GUCY2C: variants seen among roughly 807,000 people sequenced by gnomAD.
GUCY2C encodes the protein guanylate cyclase 2C, also known as guanylyl cyclase C.
GUCY2C carries 118 observed loss-of-function variants against 131.1 expected under a neutral mutation model. The ratio of observed to expected loss-of-function variants is 0.90; its 90% CI spans 0.78 to 1.05. The LOEUF (loss-of-function observed/expected upper bound fraction) is 1.05, where lower values mean the gene tolerates loss of function less well. GUCY2C is among the 50% of genes least tolerant of loss of function. The pLI is 0.00. For missense variants in GUCY2C, 1,161 were observed against 1,304.4 expected (o/e 0.89, Z 1.69); for synonymous variants, 452 against 457.8 (o/e 0.99, Z 0.16).
intron 25 of GUCY2C, among the ~76,000 whole-genome samples, chr12:14,615,651 T>A (rs1053722222): frequency 1.8e-4 from 26 of 148,004 alleles, no homozygotes; most frequent in Non-Finnish European, 3.3e-4. Context: ...ATATATATAA[T>A]TGATATATAT....
At chr12:14,666,799 G>A (rs1947991772) in intron 10 of GUCY2C, among the ~76,000 whole-genome samples, 1 of 151,186 alleles carries the variant, frequency 6.6e-6, no homozygotes, top group African/African-American at 2.4e-5. Flanking sequence ...CTGTACCCTC[G>A]CTACCTGCCT....
chr12:14,657,645 C>T (rs1327961492), intron 11 of GUCY2C, among the ~76,000 whole-genome samples: 1 of 152,080 alleles, frequency 6.6e-6, no homozygotes, highest in Non-Finnish European at 1.5e-5. Context: ...GGACCGCGAA[C>T]CCTATTGAGA....
intron 10 of GUCY2C, among the ~76,000 whole-genome samples, chr12:14,665,147 C>T (rs1033463528): frequency 1.4e-5 from 2 of 144,112 alleles, no homozygotes; most frequent in African/African-American, 2.6e-5. Context: ...ACCTGGGAGG[C>T]GGAAGTTGCA....
chr12:14,616,744 A>T lies in GUCY2C; in HGVS notation c.2876-17T>A. On this transcript the variant is annotated splice_polypyrimidine_tract_variant and intron_variant, in intron 24 of 26. Coordinates refer to ENST00000261170, the MANE Select transcript of GUCY2C (RefSeq NM_004963.4). ...TTCTCAAAGCTGGAAATGCAAATTG[A>T]CAAATAAAAATCCCAGCTAGTACAC... The T allele has an allele frequency of 1.4e-6, 2 of 1,478,192 alleles. No homozygotes were observed. Among genetic ancestry groups the T allele is most frequent in the Admixed American group, 1.7e-5 (1 of 59,788 alleles). The allele number at this position is 1,478,192 out of a possible 1,614,324, so 91.6% of individuals were successfully genotyped here. A position where few individuals can be genotyped will look rare whatever the true frequency, so the allele number is the denominator to read the frequency against.
intron 20 of GUCY2C, among the ~76,000 whole-genome samples, chr12:14,626,445 ACCTT>A (rs1165568214): frequency 6.6e-6 from 1 of 152,170 alleles, no homozygotes; most frequent in Non-Finnish European, 1.5e-5. Flanking sequence ...ATAGTACAAA[ACCTT>A]CCTGAAGAGC....
intron 3 of GUCY2C, among the ~76,000 whole-genome samples, chr12:14,683,864 T>C (rs1212511953): frequency 5.3e-5 from 8 of 152,178 alleles, no homozygotes; most frequent in Middle Eastern, 3.2e-3. Context: ...TTTATTTTAG[T>C]GTTTTGAGAT....
Position 14,625,923 on chromosome 12 carries a change from T to A in GUCY2C, c.2250-8A>T. ...TTTTGGTCATGAAAAAGTCTGTAGG[T>A]AGTAATAGATAAAGAGCTCTTATAT... On this transcript the variant is annotated splice_region_variant and splice_polypyrimidine_tract_variant and intron_variant, in intron 20 of 26. Coordinates refer to ENST00000261170, the MANE Select transcript of GUCY2C (RefSeq NM_004963.4). 1 of 1,563,632 alleles carries A rather than the reference T, an allele frequency of 6.4e-7. No individual in the cohort carries two copies. Among genetic ancestry groups the A allele is most frequent in the South Asian group, 1.1e-5 (1 of 89,896 alleles).
At chr12:14,627,817 A>C (rs570561809) in intron 20 of GUCY2C, among the ~76,000 whole-genome samples, 1 of 152,276 alleles carries the variant, frequency 6.6e-6, no homozygotes, top group African/African-American at 2.4e-5. Context: ...CTCCATTCCC[A>C]CAACTGACAG....
chr12:14,645,388 A>C (rs1947500274), intron 15 of GUCY2C, 73 bp from the exon 16 acceptor site: 1 of 722,850 alleles, frequency 1.4e-6, no homozygotes, highest in Non-Finnish European at 2.4e-6. Flanking sequence ...TTATGAAACA[A>C]ATAATGATCT....
At chr12:14,690,440 T>G (rs921468677) in intron 1 of GUCY2C, among the ~76,000 whole-genome samples, 2 of 152,228 alleles carry the variant, frequency 1.3e-5, no homozygotes, top group Non-Finnish European at 2.9e-5. Context: ...TAGAAGGGAA[T>G]AGCAGAACCA....
At chr12:14,677,422 G>C (rs968315465) in intron 6 of GUCY2C, among the ~76,000 whole-genome samples, 1 of 152,146 alleles carries the variant, frequency 6.6e-6, no homozygotes, top group Admixed American at 6.5e-5. Flanking sequence ...CTCTAACATG[G>C]TAAGCTTCTT....
At position 14,643,554 on chromosome 12, in the gene GUCY2C, A is replaced by G; in HGVS notation, c.1930+20T>C. The G allele has an allele frequency of 2.5e-6, 4 of 1,612,066 alleles. No individual in the cohort carries two copies. Among genetic ancestry groups the G allele is most frequent in the Non-Finnish European group, 3.4e-6 (4 of 1,178,558 alleles). On this transcript the variant is annotated intron_variant, in intron 17 of 26. Coordinates refer to ENST00000261170, the MANE Select transcript of GUCY2C (RefSeq NM_004963.4). ...AAAAAATCAGTTAGGAAACTAGTGA[A>G]CATTTCATTCATTACAGACCCTTTT... is the stretch of plus-strand genomic sequence containing the variant.
At position 14,696,491 on chromosome 12, in the gene GUCY2C, T is replaced by A. The variant is rs779803278; in HGVS notation, c.-43A>T. Reference sequence around the variant, plus strand: ...AACCATACTCCTTGTGCCCACTTGCTTTGCTCTGTTGGGCTCCTAGGGAGG... The same window carrying A: ...AACCATACTCCTTGTGCCCACTTGCATTGCTCTGTTGGGCTCCTAGGGAGG... On this transcript the variant is annotated 5_prime_UTR_variant, in exon 1 of 27. In the 5' UTR this introduces an upstream ATG that the reference lacks. Coordinates refer to ENST00000261170, the MANE Select transcript of GUCY2C (RefSeq NM_004963.4). 23 of 1,498,968 alleles carry A rather than the reference T, an allele frequency of 1.5e-5. No homozygotes were observed. Among genetic ancestry groups the A allele is most frequent in the South Asian group, 9.1e-5 (8 of 88,130 alleles). The allele number at this position is 1,498,968 out of a possible 1,614,324, so 92.9% of individuals were successfully genotyped here.
chr12:14,649,209 T>G (rs1947588386), intron 15 of GUCY2C, among the ~76,000 whole-genome samples: 1 of 152,060 alleles, frequency 6.6e-6, no homozygotes, highest in Non-Finnish European at 1.5e-5. Flanking sequence ...CAAAAGAGCT[T>G]TTCTCACCCC....
chr12:14,684,996 C>T (rs904047672), intron 3 of GUCY2C, among the ~76,000 whole-genome samples: 3 of 152,064 alleles, frequency 2.0e-5, no homozygotes, highest in Non-Finnish European at 4.4e-5. Context: ...TTCCTGTTTC[C>T]ATTTCCCTGA....
chr12:14,626,037 A>C, intron 20 of GUCY2C, 122 bp from the exon 21 acceptor site: 1 of 674,766 alleles, frequency 1.5e-6, no homozygotes, highest in Non-Finnish European at 2.5e-6. Context: ...GCCAACAAAC[A>C]TAACAAAAAA....
chr12:14,665,592 A>G (rs747348478), intron 10 of GUCY2C: 8 of 152,258 alleles, frequency 5.3e-5, no homozygotes, highest in Non-Finnish European at 1.2e-4. Context: ...GGGCAGGACT[A>G]ATGCAGGAAG....
intron 10 of GUCY2C, among the ~76,000 whole-genome samples, chr12:14,662,606 G>A (rs1321904976): frequency 6.6e-6 from 1 of 151,108 alleles, no homozygotes; most frequent in Non-Finnish European, 1.5e-5. Context: ...AACCCGGGAG[G>A]TGGAGGTTGT....
intron 10 of GUCY2C, chr12:14,665,689 A>G (rs566230611): frequency 7.2e-5 from 11 of 152,324 alleles, no homozygotes; most frequent in Admixed American, 6.5e-4. Flanking sequence ...GTCCATTGCT[A>G]TTTCCCAGGT....
Sources: gnomAD v4.1 joint callset for allele counts (sites outside exome capture counted in the v4.1 genomes callset) on GRCh38, gnomAD v4.1.1 for gene constraint, MANE v1.5 for transcripts, NCBI Gene and HGNC (gene_info 2026-07-23, HGNC 2026-07-21) for gene names.